The following TBC1D4 variants were observed in gnomAD, a reference collection of about 807,000 sequenced individuals.
TBC1D4 encodes the protein TBC (Tre-2, BUB2, CDC16) domain-containing protein.
TBC1D4 carries 121 observed loss-of-function variants against 142.5 expected under a neutral mutation model. That is an observed-to-expected ratio of 0.85 (90% CI 0.73 to 0.99). The LOEUF (loss-of-function observed/expected upper bound fraction) is 0.99, where lower values mean the gene tolerates loss of function less well. Ranked by LOEUF, TBC1D4 falls within the 50% of genes least tolerant of loss-of-function variation. The probability of loss-of-function intolerance (pLI) is 0.00; values close to 1 mark genes in which losing one functional copy is unlikely to be tolerated. For synonymous variants in TBC1D4, 630 were observed against 628.2 expected (o/e 1.00, Z -0.04); for missense variants, 1,475 against 1,606.6 (o/e 0.92, Z 1.40).
Position 75,481,272 on chromosome 13 carries a change from GGC to G in TBC1D4, c.494_495del (p.Ser165ThrfsTer4). The G allele has an allele frequency of 6.2e-7, 1 of 1,613,392 alleles. No homozygotes were observed. Among genetic ancestry groups the G allele is most frequent in the East Asian group, 2.2e-5 (1 of 44,838 alleles). On this transcript the variant is annotated frameshift_variant, in exon 1 of 21. Coordinates refer to ENST00000377636, the MANE Select transcript of TBC1D4 (RefSeq NM_014832.5). LOFTEE classifies it high-confidence loss of function. Reference sequence around the variant, plus strand: ...GCGCCTCCGAGCCCCTGTCTTGCCTGGCTGGGGTCTGTGGCGCGGAAAACGTG... The same window carrying G: ...GCGCCTCCGAGCCCCTGTCTTGCCTGTGGGGTCTGTGGCGCGGAAAACGTG... ...ACHVFRATDP[S>X]QVPDVISSIR...
At chr13:75,421,640 TGA>T (rs1375324231) in intron 1 of TBC1D4, among the ~76,000 whole-genome samples, 1 of 152,164 alleles carries the variant, frequency 6.6e-6, no homozygotes, top group Admixed American at 6.5e-5. Context: ...GAGAAAAACC[TGA>T]AATGAAGCGG....
At chr13:75,475,550 T>C (rs1888599434) in intron 1 of TBC1D4, among the ~76,000 whole-genome samples, 1 of 152,252 alleles carries the variant, frequency 6.6e-6, no homozygotes, top group Non-Finnish European at 1.5e-5. Flanking sequence ...CTACTTCTTT[T>C]TGCATGATTT....
chr13:75,413,204 G>T (rs1266600219), intron 1 of TBC1D4, among the ~76,000 whole-genome samples: 2 of 151,634 alleles, frequency 1.3e-5, no homozygotes, highest in African/African-American at 4.8e-5. Context: ...TCCCTCTGTT[G>T]CCCAGGCTGG....
At chr13:75,382,148 C>T (rs1404804490) in intron 1 of TBC1D4, among the ~76,000 whole-genome samples, 2 of 152,156 alleles carry the variant, frequency 1.3e-5, no homozygotes, top group African/African-American at 4.8e-5. Flanking sequence ...CTCTCCTTCC[C>T]CTTGGCTCTC....
chr13:75,358,601 C>T (rs1394146941), intron 3 of TBC1D4, among the ~76,000 whole-genome samples: 1 of 152,118 alleles, frequency 6.6e-6, no homozygotes, highest in South Asian at 2.1e-4. Context: ...TTAATCCCAG[C>T]ACTTTGGGAG....
rs1877939467 is a variant in TBC1D4 at position 75,312,999 on chromosome 13, G to A, written c.2223-101C>T. 8.4e-6 allele frequency: 11 copies of A among 1,304,838 alleles called. 1 individual carries two copies. In the South Asian group the frequency reaches 1.4e-4, roughly 16 times the overall value. The allele number at this position is 1,304,838 out of a possible 1,614,324, so 80.8% of individuals were successfully genotyped here. ...AAGCCATTCACAAGTTCTGTCACGG[G>A]CAAGCACAAGCCACAGGCAACATGG... On this transcript the variant is annotated intron_variant, in intron 12 of 20. Transcript: ENST00000377636.
intron 1 of TBC1D4, among the ~76,000 whole-genome samples, chr13:75,470,869 C>T (rs778566986): frequency 6.6e-6 from 1 of 151,858 alleles, no homozygotes; most frequent in Non-Finnish European, 1.5e-5. Context: ...TGCCTGTAGT[C>T]CCAGATACTT....
intron 1 of TBC1D4, among the ~76,000 whole-genome samples, chr13:75,378,925 G>A (rs1883666607): frequency 6.6e-6 from 1 of 152,024 alleles, no homozygotes; most frequent in African/African-American, 2.4e-5. Context: ...TCATATTTAA[G>A]CTTCTGCAAA....
chr13:75,460,684 G>T (rs186656716), intron 1 of TBC1D4, among the ~76,000 whole-genome samples: 59 of 152,232 alleles, frequency 3.9e-4, no homozygotes, highest in East Asian at 1.9e-4. Context: ...ACTTTGAAAG[G>T]CCAAGGCGGA....
At chr13:75,408,360 G>A (rs1398144318) in intron 1 of TBC1D4, among the ~76,000 whole-genome samples, 1 of 152,180 alleles carries the variant, frequency 6.6e-6, no homozygotes, top group Non-Finnish European at 1.5e-5. Flanking sequence ...ATCACGGATG[G>A]ACATTTGGGT....
chr13:75,329,271 T>C (rs1185699580), intron 8 of TBC1D4, among the ~76,000 whole-genome samples: 3 of 152,152 alleles, frequency 2.0e-5, no homozygotes, highest in African/African-American at 7.2e-5. Flanking sequence ...ACACCTCATA[T>C]CTTATATATT....
At chr13:75,313,034 T>C (rs1877945704) in intron 12 of TBC1D4, 136 bp from the exon 13 acceptor site, 4 of 936,252 alleles carry the variant, frequency 4.3e-6, no homozygotes, top group Non-Finnish European at 6.7e-6. Flanking sequence ...GAGCAATGCA[T>C]CACCAGGCAC....
intron 1 of TBC1D4, among the ~76,000 whole-genome samples, chr13:75,403,077 C>T (rs2138359567): frequency 6.6e-6 from 1 of 152,312 alleles, no homozygotes; most frequent in East Asian, 1.9e-4. Flanking sequence ...TCTCAAGAGT[C>T]TGTTTCAGGC....
intron 3 of TBC1D4, 145 bp downstream of exon 3, chr13:75,359,624 T>C: frequency 3.0e-6 from 2 of 657,510 alleles, no homozygotes; most frequent in Admixed American, 3.0e-5. Context: ...CAGGAGCCCT[T>C]AGTTTAAGAC....
chr13:75,471,245 A>G (rs1888388137), intron 1 of TBC1D4, among the ~76,000 whole-genome samples: 1 of 152,194 alleles, frequency 6.6e-6, no homozygotes, highest in Non-Finnish European at 1.5e-5. Flanking sequence ...AGGATTAGGC[A>G]TTAGGTGACA....
chr13:75,473,772 G>C (rs1385886406), intron 1 of TBC1D4, among the ~76,000 whole-genome samples: 1 of 152,156 alleles, frequency 6.6e-6, no homozygotes, highest in African/African-American at 2.4e-5. Flanking sequence ...AAGATTATCT[G>C]AAATGAAACC....
chr13:75,478,261 G>A (rs1888698996), intron 1 of TBC1D4, among the ~76,000 whole-genome samples: 1 of 152,122 alleles, frequency 6.6e-6, no homozygotes, highest in South Asian at 2.1e-4. Context: ...ATATATCTCG[G>A]TTTGTCCTCA....
intron 1 of TBC1D4, among the ~76,000 whole-genome samples, chr13:75,405,547 C>T (rs1885299237): frequency 6.6e-6 from 1 of 152,186 alleles, no homozygotes; most frequent in African/African-American, 2.4e-5. Flanking sequence ...GCTAAGATTA[C>T]AGGCGTGAGC....
chr13:75,425,918 CAA>C (rs1447511965), intron 1 of TBC1D4, among the ~76,000 whole-genome samples: 1 of 151,968 alleles, frequency 6.6e-6, no homozygotes, highest in East Asian at 1.9e-4. Context: ...TTAATAATAA[CAA>C]TATATTATAT....
Sources: gnomAD v4.1 joint callset for allele counts (sites outside exome capture counted in the v4.1 genomes callset) on GRCh38, gnomAD v4.1.1 for gene constraint, MANE v1.5 for transcripts, NCBI Gene and HGNC (gene_info 2026-07-23, HGNC 2026-07-21) for gene names.